Variants in MYH14 observed in about 807,000 individuals in gnomAD.
The protein encoded by MYH14 is myosin-14.
A neutral mutation model predicts 255.5 loss-of-function variants in MYH14; 123 were observed. That is an observed-to-expected ratio of 0.48 (90% CI 0.42 to 0.56). The LOEUF (loss-of-function observed/expected upper bound fraction) is 0.56. Ranked by LOEUF, MYH14 falls within the 20% of genes least tolerant of loss-of-function variation. The pLI is 0.00. For synonymous variants in MYH14, 1,095 were observed against 1,161.2 expected (o/e 0.94, Z 1.16); for missense variants, 2,423 against 2,802.3 (o/e 0.86, Z 3.06).
chr19:50,228,632 C>T (rs2033225253), intron 8 of MYH14, among the ~76,000 whole-genome samples: 2 of 152,156 alleles, frequency 1.3e-5, no homozygotes, highest in South Asian at 4.1e-4. Flanking sequence ...CCTTGGCTCC[C>T]ACCTCTCCAT....
Position 50,218,387 on chromosome 19 carries a change from G to A in MYH14, c.562+616G>A, listed in dbSNP as rs112884700. On this transcript the variant is annotated intron_variant, in intron 3 of 42. Coordinates refer to ENST00000642316, the MANE Select transcript of MYH14 (RefSeq NM_001145809.2). ...TGAGGCAGGCGGATCACGAGGTCAG[G>A]AGATCGAGACCATTCTGGCTAACAC... 4.4e-3 allele frequency among the ~76,000 whole-genome samples: 663 copies of A among 151,960 alleles called. 5 individuals are homozygous for A. Among genetic ancestry groups the A allele is most frequent in the Middle Eastern group, 0.024 (7 of 294 alleles).
intron 7 of MYH14, 77 bp from the exon 8 acceptor site, chr19:50,226,826 G>A (rs2033130452): frequency 7.2e-7 from 1 of 1,384,892 alleles, no homozygotes; most frequent in Non-Finnish European, 1.0e-6. Context: ...CAGTGGGTGT[G>A]GGGTTTGGGC....
At chr19:50,229,236 T>G (rs2033258767) in intron 8 of MYH14, among the ~76,000 whole-genome samples, 1 of 152,202 alleles carries the variant, frequency 6.6e-6, no homozygotes, top group Admixed American at 6.5e-5. Flanking sequence ...GAAATGGACC[T>G]CAGGTTTGCA....
chr19:50,285,215 A>C (rs1294246741), intron 33 of MYH14: 1 of 151,978 alleles, frequency 6.6e-6, no homozygotes, highest in Admixed American at 6.6e-5. Flanking sequence ...ATTTGAAGTT[A>C]TTTTGCCTCT....
chr19:50,278,549 T>A (rs192503696), intron 30 of MYH14, among the ~76,000 whole-genome samples: 3,407 of 142,322 alleles, frequency 0.024, 58 homozygotes, highest in Non-Finnish European at 0.04. Flanking sequence ...AAAAAAAAAA[T>A]TTTAATTAGC....
At chr19:50,307,746 G>A (rs754982586) in intron 41 of MYH14, among the ~76,000 whole-genome samples, 6 of 152,176 alleles carry the variant, frequency 3.9e-5, no homozygotes, top group Non-Finnish European at 7.3e-5. Flanking sequence ...CCATTTCACA[G>A]ATGAAGAAAC....
intron 25 of MYH14, 129 bp from the exon 26 acceptor site, chr19:50,271,720 A>C: frequency 6.8e-7 from 1 of 1,463,402 alleles, no homozygotes; most frequent in Non-Finnish European, 9.2e-7. Flanking sequence ...GTGTAGGGGG[A>C]GGAAGGTCAG....
rs944434628 is a variant in MYH14 at position 50,213,680 on chromosome 19, C to A, written c.405+2910C>A. ...TTCTTTCCAATATGATCTTATTGAC[C>A]CCCTCCCCATCCACATAAGGTTGTG... On this transcript the variant is annotated intron_variant, in intron 2 of 42. Transcript: ENST00000642316. 9.2e-5 allele frequency among the ~76,000 whole-genome samples: 14 copies of A among 152,180 alleles called. No individual in the cohort carries two copies. The South Asian group carries it at 2.9e-3, about 32-fold the overall frequency.
At chr19:50,217,486 T>A (rs1282866534) in intron 2 of MYH14, 129 bp from the exon 3 acceptor site, 2 of 1,033,996 alleles carry the variant, frequency 1.9e-6, no homozygotes, top group African/African-American at 3.1e-5. Context: ...AAATCTACAT[T>A]GTTATGGTGT....
At chr19:50,255,190 C>T (rs2034546517) in intron 16 of MYH14, 30 bp from the exon 17 acceptor site, 1 of 1,434,776 alleles carries the variant, frequency 7.0e-7, no homozygotes, top group Non-Finnish European at 9.6e-7. Context: ...CTCCCCTCCA[C>T]CCACCCACAC....
At position 50,309,899 on chromosome 19, in the gene MYH14, G is replaced by A. The variant is rs2036800955; in HGVS notation, c.*109G>A. ...CCGCCCTCTGACTTCTTGCCCTTTG[G>A]AAATGGTGCAGCACTCTGGCATTTA... is the stretch of plus-strand genomic sequence containing the variant. On this transcript the variant is annotated 3_prime_UTR_variant, in exon 43 of 43. Coordinates refer to ENST00000642316, the MANE Select transcript of MYH14 (RefSeq NM_001145809.2). 2 of 1,192,056 alleles carry A rather than the reference G, an allele frequency of 1.7e-6. No homozygotes were observed. The highest frequency in any genetic ancestry group is 2.4e-6 in the Non-Finnish European group (2 of 820,810). 73.8% of individuals were successfully genotyped at this position (1,192,056 alleles called of 1,614,324 possible). A position where few individuals can be genotyped will look rare whatever the true frequency, so the allele number is the denominator to read the frequency against.
chr19:50,250,731 C>A lies in MYH14; in HGVS notation c.1830+43C>A. 1 of 1,574,388 alleles carries A rather than the reference C, an allele frequency of 6.4e-7. No individual in the cohort carries two copies. Among genetic ancestry groups the A allele is most frequent in the Non-Finnish European group, 8.7e-7 (1 of 1,153,272 alleles). On this transcript the variant is annotated intron_variant, in intron 15 of 42. Transcript: ENST00000642316. This position sits in a 1 kb window ranked among gnomAD's most constrained non-coding sequence, Gnocchi z 5.4. ...CCTTGGGGCATGTGGGAGTGGGGAT[C>A]AAGGGATCTCCACTGGCTACAGATG...
At chr19:50,209,117 C>G (rs2032002791) in intron 1 of MYH14, among the ~76,000 whole-genome samples, 4 of 152,114 alleles carry the variant, frequency 2.6e-5, no homozygotes, top group Admixed American at 2.6e-4. Context: ...GTGGTTGTAC[C>G]ACTGCACTCC....
chr19:50,292,082 G>C (rs569786981), intron 36 of MYH14, among the ~76,000 whole-genome samples, 179 bp from the exon 37 acceptor site: 81 of 152,272 alleles, frequency 5.3e-4, no homozygotes, highest in Non-Finnish European at 1.0e-3. Flanking sequence ...AGTGGGAGAG[G>C]CTGGCTCAGG....
chr19:50,242,688 G>A (rs191797081), intron 10 of MYH14, among the ~76,000 whole-genome samples: 2 of 152,282 alleles, frequency 1.3e-5, no homozygotes, highest in East Asian at 3.9e-4. Context: ...AACAGCTGAT[G>A]ATGTGGCTGA....
chr19:50,231,719 A>AT (rs1313418503), intron 9 of MYH14, among the ~76,000 whole-genome samples: 8 of 34,150 alleles, frequency 2.3e-4, no homozygotes, highest in Admixed American at 9.3e-4. Flanking sequence ...TCTCTAAAAA[A>AT]TTAAAAAAAA....
At position 50,250,140 on chromosome 19, in the gene MYH14, G is replaced by C. The variant is rs1001832064; in HGVS notation, c.1656+317G>C. 3.3e-5 allele frequency among the ~76,000 whole-genome samples: 5 copies of C among 152,032 alleles called. No individual in the cohort carries two copies. In the East Asian group the frequency reaches 9.6e-4, roughly 29 times the overall value. ...TCTTGAGACGGAGTCTCGCTCTATC[G>C]CCCAGGCTGGAGTGCAGCGGCGCGA... On this transcript the variant is annotated intron_variant, in intron 14 of 42. Transcript: ENST00000642316. This position sits in a 1 kb window ranked among gnomAD's most constrained non-coding sequence, Gnocchi z 5.4.
At chr19:50,246,691 A>G (rs1196154366) in intron 11 of MYH14, among the ~76,000 whole-genome samples, 1 of 152,188 alleles carries the variant, frequency 6.6e-6, no homozygotes, top group African/African-American at 2.4e-5. Context: ...AGCCCGACCC[A>G]TCTAACCAAT....
At chr19:50,282,531 G>A (rs376795202) in intron 33 of MYH14, among the ~76,000 whole-genome samples, 3 of 152,088 alleles carry the variant, frequency 2.0e-5, no homozygotes, top group African/African-American at 4.8e-5. Context: ...GTGAAACCCC[G>A]TCTCTACTAA....
Sources: allele counts gnomAD v4.1 joint callset (sites outside exome capture counted in the v4.1 genomes callset), GRCh38; gene constraint gnomAD v4.1.1; non-coding constraint Gnocchi (gnomAD v3.1); transcripts MANE v1.5; gene names NCBI Gene and HGNC (gene_info 2026-07-23, HGNC 2026-07-21).